TENM3: variants seen among roughly 807,000 people sequenced by gnomAD.
The protein encoded by TENM3 is teneurin-3.
In TENM3, 63 loss-of-function variants were observed where a neutral mutation model predicts 255.1. That is an observed-to-expected ratio of 0.25 (90% CI 0.20 to 0.30). TENM3 has a LOEUF of 0.30. TENM3 is among the 10% of genes least tolerant of loss of function. TENM3 has a pLI of 1.00. For synonymous variants in TENM3, 1,306 were observed against 1,322.3 expected (o/e 0.99, Z 0.27); for missense variants, 2,929 against 3,461.1 (o/e 0.85, Z 3.86).
At chr4:182,337,970 G>A (rs1467646636) in intron 2 of TENM3, among the ~76,000 whole-genome samples, 2 of 152,124 alleles carry the variant, frequency 1.3e-5, no homozygotes, top group African/African-American at 4.8e-5. Flanking sequence ...TGCCTGTTGG[G>A]TGGGGATTGA....
At chr4:181,756,322 T>C in the TENM3 span, among the ~76,000 whole-genome samples, 2 of 152,168 alleles carry the variant, frequency 1.3e-5, no homozygotes, top group Non-Finnish European at 2.9e-5. Flanking sequence ...TTCATTTCAT[T>C]TGGGCTTGGT....
chr4:181,813,656 GAAAT>G, the TENM3 span, among the ~76,000 whole-genome samples: 8 of 152,164 alleles, frequency 5.3e-5, no homozygotes, highest in South Asian at 1.0e-3. Context: ...ATGTAAGAAA[GAAAT>G]ATTAACCACA....
Position 182,347,451 on chromosome 4 carries a change from T to G in TENM3, c.511+522T>G, listed in dbSNP as rs75741244. Among the ~76,000 whole-genome samples, 471 of 152,306 alleles carry G rather than the reference T, an allele frequency of 3.1e-3. 3 individuals are homozygous for G. Among genetic ancestry groups the G allele is most frequent in the African/African-American group, 0.011 (462 of 41,572 alleles). The stretch of plus-strand genomic sequence containing the variant: ...ATTGAAGAACAAATATGATCATGCT[T>G]TAAACTTAAGAGTTGATGAGAGCAA... On this transcript the variant is annotated intron_variant, in intron 3 of 27. Coordinates refer to ENST00000511685, the MANE Select transcript of TENM3 (RefSeq NM_001080477.4).
chr4:182,058,050 C>T, the TENM3 span, among the ~76,000 whole-genome samples: 3 of 151,480 alleles, frequency 2.0e-5, no homozygotes, highest in East Asian at 2.0e-4. Flanking sequence ...AGTAAAGTCA[C>T]GGAACATGCT....
At chr4:182,426,251 G>A (rs541916910) in intron 3 of TENM3, among the ~76,000 whole-genome samples, 25 of 152,184 alleles carry the variant, frequency 1.6e-4, no homozygotes, top group Admixed American at 3.9e-4. Flanking sequence ...AATTGGTTGC[G>A]TGGGTAGCTC....
chr4:181,608,103 G>C, the TENM3 span, among the ~76,000 whole-genome samples: 1 of 152,164 alleles, frequency 6.6e-6, no homozygotes, highest in Non-Finnish European at 1.5e-5. Context: ...CCTTTGGATA[G>C]TAAGCTATTT....
At chr4:181,767,111 G>A in the TENM3 span, among the ~76,000 whole-genome samples, 5 of 143,606 alleles carry the variant, frequency 3.5e-5, no homozygotes, top group Non-Finnish European at 7.6e-5. Flanking sequence ...AATTAGCAGG[G>A]CGTGGTGGCG....
the TENM3 span, among the ~76,000 whole-genome samples, chr4:181,658,514 AC>A: frequency 6.6e-6 from 1 of 151,900 alleles, no homozygotes; most frequent in Non-Finnish European, 1.5e-5. Context: ...TCATGCCCCC[AC>A]TCCCACCTCC....
At chr4:181,603,028 C>A in the TENM3 span, among the ~76,000 whole-genome samples, 2 of 152,132 alleles carry the variant, frequency 1.3e-5, no homozygotes, top group Non-Finnish European at 2.9e-5. Flanking sequence ...ATGTGCGGTG[C>A]CACCTGCTGA....
the TENM3 span, among the ~76,000 whole-genome samples, chr4:181,863,189 T>G: frequency 2.0e-5 from 3 of 152,174 alleles, no homozygotes; most frequent in African/African-American, 7.2e-5. Context: ...TATATTAATT[T>G]CACCAAGGCA....
chr4:182,728,843 A>G (rs990975820), intron 13 of TENM3, 122 bp from the exon 14 acceptor site: 29 of 723,044 alleles, frequency 4.0e-5, no homozygotes, highest in South Asian at 3.2e-4. Context: ...AGAAATTACT[A>G]TCAGATAGTC....
the TENM3 span, among the ~76,000 whole-genome samples, chr4:181,978,826 C>G: frequency 6.6e-6 from 1 of 150,624 alleles, no homozygotes; most frequent in East Asian, 2.0e-4. Flanking sequence ...AAATAAAGGG[C>G]CAGAAATAGG....
At chr4:182,264,057 A>G (rs1759067694) in intron 1 of TENM3, among the ~76,000 whole-genome samples, 1 of 152,208 alleles carries the variant, frequency 6.6e-6, no homozygotes, top group South Asian at 2.1e-4. Flanking sequence ...AAGGGTAAGA[A>G]TTCTTTACCA....
intron 3 of TENM3, among the ~76,000 whole-genome samples, chr4:182,587,182 C>T (rs1359562915): frequency 6.6e-6 from 1 of 151,988 alleles, no homozygotes; most frequent in Non-Finnish European, 1.5e-5. Flanking sequence ...CCTCAACCTC[C>T]TAGGCTCAAG....
intron 27 of TENM3, among the ~76,000 whole-genome samples, chr4:182,798,290 G>C (rs1766645375): frequency 1.3e-5 from 2 of 152,224 alleles, no homozygotes; most frequent in African/African-American, 2.4e-5. Flanking sequence ...TTACAGGCAT[G>C]AGCCACCGGG....
At chr4:182,192,219 G>A (rs1753569440) in intron 1 of TENM3, among the ~76,000 whole-genome samples, 3 of 152,056 alleles carry the variant, frequency 2.0e-5, no homozygotes, top group African/African-American at 7.2e-5. Flanking sequence ...ACATACATAC[G>A]TAGCAGAGTT....
chr4:182,754,321 C>G lies in TENM3; in HGVS notation c.4018-64C>G. Reference sequence around the variant, plus strand: ...CAATTTCCCTGAATGGTCTAATTTACTCTTCTGGCGAATTAACTGTAGTGC... The same window carrying G: ...CAATTTCCCTGAATGGTCTAATTTAGTCTTCTGGCGAATTAACTGTAGTGC... On this transcript the variant is annotated intron_variant, in intron 21 of 27. Coordinates refer to ENST00000511685, the MANE Select transcript of TENM3 (RefSeq NM_001080477.4). This position sits in a 1 kb window ranked among gnomAD's most constrained non-coding sequence, Gnocchi z 5.1. 1 of 1,451,506 alleles carries G rather than the reference C, an allele frequency of 6.9e-7. No homozygotes were observed. The highest frequency in any genetic ancestry group is 9.2e-7 in the Non-Finnish European group (1 of 1,088,654). The allele number at this position is 1,451,506 out of a possible 1,614,324, so 89.9% of individuals were successfully genotyped here.
the TENM3 span, among the ~76,000 whole-genome samples, chr4:182,078,741 G>C: frequency 6.6e-6 from 1 of 152,068 alleles, no homozygotes; most frequent in Non-Finnish European, 1.5e-5. Flanking sequence ...GCTGGGGGTG[G>C]GGAGCAGAGG....
At chr4:182,223,500 T>C (rs1755963243) in intron 1 of TENM3, among the ~76,000 whole-genome samples, 1 of 152,090 alleles carries the variant, frequency 6.6e-6, no homozygotes, top group Admixed American at 6.5e-5. Flanking sequence ...TATGAATAAA[T>C]GTATTTGGTT....
Sources: allele counts gnomAD v4.1 joint callset (sites outside exome capture counted in the v4.1 genomes callset), GRCh38; gene constraint gnomAD v4.1.1; non-coding constraint Gnocchi (gnomAD v3.1); transcripts MANE v1.5; gene names NCBI Gene and HGNC (gene_info 2026-07-23, HGNC 2026-07-21).